The following KCNC2 variants were observed in gnomAD, a reference collection of about 807,000 sequenced individuals.
KCNC2 encodes voltage-gated potassium channel KCNC2.
In KCNC2, 21 loss-of-function variants were observed where a neutral mutation model predicts 44.5. The ratio of observed to expected loss-of-function variants is 0.47; its 90% CI spans 0.33 to 0.68. KCNC2 has a LOEUF of 0.68. Ranked by LOEUF, KCNC2 falls within the 30% of genes least tolerant of loss-of-function variation. The pLI is 0.01. For synonymous variants in KCNC2, 391 were observed against 339.1 expected, an observed-to-expected ratio of 1.15 and a Z score of -1.68; for missense variants, 589 against 826.2, an observed-to-expected ratio of 0.71 and a Z score of 3.52.
intron 2 of KCNC2, among the ~76,000 whole-genome samples, chr12:75,138,287 T>A (rs1889374753): frequency 6.6e-6 from 1 of 152,182 alleles, no homozygotes; most frequent in Non-Finnish European, 1.5e-5. Context: ...TACCACTGAT[T>A]GTTCTCACTT....
chr12:75,077,865 G>T (rs1017035164), intron 2 of KCNC2, among the ~76,000 whole-genome samples: 2 of 152,026 alleles, frequency 1.3e-5, no homozygotes, highest in African/African-American at 4.8e-5. Flanking sequence ...AAGTTTAGAA[G>T]TAGAAACACA....
At chr12:75,204,830 A>G (rs567731778) in intron 2 of KCNC2, among the ~76,000 whole-genome samples, 74 of 152,246 alleles carry the variant, frequency 4.9e-4, no homozygotes, top group Non-Finnish European at 8.4e-4. Flanking sequence ...TTTTTCAGCC[A>G]ACCCCTAGGA....
At chr12:75,170,769 C>T (rs1402356854) in intron 2 of KCNC2, among the ~76,000 whole-genome samples, 1 of 151,724 alleles carries the variant, frequency 6.6e-6, no homozygotes, top group East Asian at 1.9e-4. Context: ...CATATTTGAA[C>T]TTCTCCACGT....
intron 2 of KCNC2, among the ~76,000 whole-genome samples, chr12:75,053,811 A>C (rs1311779867): frequency 6.8e-6 from 1 of 148,062 alleles, no homozygotes; most frequent in Non-Finnish European, 1.5e-5. Flanking sequence ...ATAAATATAT[A>C]TAGTAATATT....
chr12:75,058,312 A>T (rs1881959998), intron 2 of KCNC2, among the ~76,000 whole-genome samples: 1 of 151,718 alleles, frequency 6.6e-6, no homozygotes, highest in Admixed American at 6.6e-5. Flanking sequence ...AATTATTTAA[A>T]ATTCCCCCTA....
At chr12:75,140,941 T>C (rs1296069343) in intron 2 of KCNC2, among the ~76,000 whole-genome samples, 1 of 152,164 alleles carries the variant, frequency 6.6e-6, no homozygotes, top group South Asian at 2.1e-4. Flanking sequence ...AGCCATCTCT[T>C]CCATTAGCAC....
At chr12:75,151,584 T>A (rs1006502851) in intron 2 of KCNC2, among the ~76,000 whole-genome samples, 1 of 151,776 alleles carries the variant, frequency 6.6e-6, no homozygotes, top group Admixed American at 6.6e-5. Flanking sequence ...GAATGAAGAA[T>A]GTAGGATAGT....
chr12:75,198,231 C>T (rs2030944332), intron 2 of KCNC2, among the ~76,000 whole-genome samples: 1 of 151,836 alleles, frequency 6.6e-6, no homozygotes, highest in Admixed American at 6.6e-5. Flanking sequence ...GGGAATTAAG[C>T]ATAAGCATAC....
chr12:75,072,325 A>G (rs1476900696), intron 2 of KCNC2, among the ~76,000 whole-genome samples: 2 of 152,240 alleles, frequency 1.3e-5, no homozygotes, highest in Non-Finnish European at 2.9e-5. Context: ...AGGTTTAAAA[A>G]GATGCTAATC....
intron 2 of KCNC2, among the ~76,000 whole-genome samples, chr12:75,054,435 A>C (rs1029884645): frequency 5.9e-5 from 9 of 152,192 alleles, no homozygotes; most frequent in Non-Finnish European, 1.3e-4. Context: ...AAGGAGAAGG[A>C]GGAAGAGCTG....
At chr12:75,155,962 A>G (rs2137494698) in intron 2 of KCNC2, among the ~76,000 whole-genome samples, 1 of 151,996 alleles carries the variant, frequency 6.6e-6, no homozygotes, top group South Asian at 2.1e-4. Flanking sequence ...ACAAAAGACA[A>G]GTACCTACAA....
At chr12:75,160,991 A>C (rs1257690042) in intron 2 of KCNC2, among the ~76,000 whole-genome samples, 2 of 151,788 alleles carry the variant, frequency 1.3e-5, no homozygotes, top group Admixed American at 6.6e-5. Context: ...AACTACAATA[A>C]AAATAAACCA....
In KCNC2 at chr12:75,048,227, T is replaced by A. The variant is rs147042091; in HGVS notation, c.1706A>T (p.Asn569Ile). Residue 569 changes from asparagine (N) to isoleucine (I), a missense_variant, in exon 4 of 5, where the codon AAC (asparagine) becomes ATC (isoleucine). Transcript: ENST00000549446. ...PIRRSSTRDK[N>I]RRGETCFLLT... is the part of the protein sequence containing the mutation. ...TAGGAAACATGTTTCCCCTCTTCTG[T>A]TTTTGTCTCTGGTACTAGAGCGTCT... The A allele has an allele frequency of 1.2e-6, 2 of 1,613,006 alleles. No homozygotes were observed. The highest frequency in any genetic ancestry group is 1.7e-6 in the Non-Finnish European group (2 of 1,179,350).
intron 2 of KCNC2, among the ~76,000 whole-genome samples, chr12:75,147,974 C>T (rs937782835): frequency 2.6e-5 from 4 of 152,222 alleles, no homozygotes; most frequent in African/African-American, 7.2e-5. Flanking sequence ...TTGGACTTCA[C>T]TATAAAAGCT....
intron 2 of KCNC2, among the ~76,000 whole-genome samples, chr12:75,167,998 A>C (rs1226446538): frequency 1.3e-5 from 2 of 151,414 alleles, no homozygotes; most frequent in Non-Finnish European, 3.0e-5. Flanking sequence ...AAAATGTATA[A>C]TATGAGATTG....
chr12:75,130,543 A>C (rs2137337468), intron 2 of KCNC2, among the ~76,000 whole-genome samples: 1 of 152,280 alleles, frequency 6.6e-6, no homozygotes, highest in African/African-American at 2.4e-5. Context: ...GATGAATAAA[A>C]CCTAAATCAT....
At position 75,149,848 on chromosome 12, in the gene KCNC2, C is replaced by T. The variant is rs557212428; in HGVS notation, c.687+57449G>A. ...AACATCTTCTTACTCAAATCTTGGGCACTTAGCTAAGGGCTGCAATGGAGG... is the reference window on the plus strand; with the variant it reads ...AACATCTTCTTACTCAAATCTTGGGTACTTAGCTAAGGGCTGCAATGGAGG... On this transcript the variant is annotated intron_variant, in intron 2 of 4. Coordinates refer to ENST00000549446, the MANE Select transcript of KCNC2 (RefSeq NM_139137.4). Among the ~76,000 whole-genome samples, 55 of 151,894 alleles carry T rather than the reference C, an allele frequency of 3.6e-4. No homozygotes were observed. The South Asian group carries it at 0.011, about 30-fold the overall frequency.
At chr12:75,161,517 C>T (rs1237608170) in intron 2 of KCNC2, among the ~76,000 whole-genome samples, 2 of 151,684 alleles carry the variant, frequency 1.3e-5, no homozygotes, top group Non-Finnish European at 1.5e-5. Flanking sequence ...GTTTTAACAA[C>T]ATGAAATTAA....
chr12:75,078,221 C>T (rs914548851), intron 2 of KCNC2, among the ~76,000 whole-genome samples: 2 of 152,030 alleles, frequency 1.3e-5, no homozygotes, highest in Non-Finnish European at 2.9e-5. Flanking sequence ...GAAAAAAATG[C>T]TGTGTGTGTT....
Sources: allele counts gnomAD v4.1 joint callset (sites outside exome capture counted in the v4.1 genomes callset), GRCh38; gene constraint gnomAD v4.1.1; transcripts MANE v1.5; gene names NCBI Gene and HGNC (gene_info 2026-07-23, HGNC 2026-07-21).